MZT2A: variants seen among roughly 807,000 people sequenced by gnomAD.
MZT2A encodes the protein mitotic-spindle organizing protein 2A.
A neutral mutation model predicts 12.4 loss-of-function variants in MZT2A; 8 were observed. The ratio of observed to expected loss-of-function variants is 0.64; its 90% CI spans 0.38 to 1.16. The LOEUF is 1.16. Ranked by LOEUF, MZT2A falls within the 50% of genes most tolerant of loss-of-function variation. The pLI, the probability that MZT2A is intolerant of heterozygous loss-of-function variation, is 0.01. For synonymous variants in MZT2A, 88 were observed against 107.5 expected, an observed-to-expected ratio of 0.82 and a Z score of 1.12; for missense variants, 181 against 223.6, an observed-to-expected ratio of 0.81 and a Z score of 1.22.
At chr2:131,493,138 C>T (rs1055754898), upstream of MZT2A, 6 of 1,465,948 alleles carry the variant, frequency 4.1e-6, no homozygotes, top group Non-Finnish European at 5.4e-6. Flanking sequence ...ATGGGTCCCA[C>T]AGGTGAGTGG....
intron 2 of MZT2A, among the ~76,000 whole-genome samples, chr2:131,484,459 G>A (rs1032300630): frequency 1.3e-5 from 2 of 152,212 alleles, no homozygotes; most frequent in African/African-American, 4.8e-5. Context: ...GCGAAGCCAC[G>A]CAAGGAGCAC....
chr2:131,491,991 G>A lies in MZT2A; in HGVS notation c.204C>T (p.Ala68=), dbSNP rs1401423702. 9 of 1,549,910 alleles carry A rather than the reference G, an allele frequency of 5.8e-6. No individual in the cohort carries two copies. The Admixed American group carries it at 9.7e-5, about 17-fold the overall frequency. The stretch of plus-strand genomic sequence containing the variant: ...TGAGCATCTGGAAGACGGCGAGGGG[G>A]GCCACGTTCAGCTTCAGCAGGTCCA... The part of the protein sequence containing the change: ...ILVDLLKLNV[A]PLAVFQMLKS... Residue 68 remains alanine, a synonymous_variant, in exon 2 of 3, where the codon GCC becomes GCT. Coordinates refer to ENST00000309451, the MANE Select transcript of MZT2A (RefSeq NM_001085365.2).
chr2:131,480,794 A>G (rs1473290166), downstream of MZT2A: 1 of 1,583,474 alleles, frequency 6.3e-7, no homozygotes, highest in South Asian at 1.2e-5. Context: ...CAGCAGATGC[A>G]CAAAATAACA....
chr2:131,478,970 G>C (rs146296468), downstream of MZT2A, among the ~76,000 whole-genome samples: 7,469 of 152,300 alleles, frequency 0.049, 625 homozygotes, highest in African/African-American at 0.17. Context: ...TGCCCAGGTT[G>C]TAAGAGTTTC....
rs115213445 is a variant in MZT2A at position 131,477,959 on chromosome 2, C to T, written c.279-5777G>A. On this transcript the variant is annotated intron_variant and NMD_transcript_variant, in intron 2 of 4. Coordinates refer to the MZT2A transcript ENST00000427024. ...TGGCAAACAGGTTCTAGGGCTACCT[C>T]TAGAACTTACTAGCTAGTATGGTTT... is the stretch of plus-strand genomic sequence containing the variant. Among the ~76,000 whole-genome samples the T allele has an allele frequency of 1.5e-3, 234 of 152,274 alleles. 1 individual carries two copies. The highest frequency in any genetic ancestry group is 5.4e-3 in the African/African-American group (225 of 41,548).
intron 2 of MZT2A, among the ~76,000 whole-genome samples, chr2:131,487,264 G>C (rs1679086948): frequency 6.6e-6 from 1 of 152,150 alleles, no homozygotes; most frequent in African/African-American, 2.4e-5. Context: ...AGGATCCTTT[G>C]AGGCCAGGAG....
chr2:131,484,178 G>A lies in MZT2A; in HGVS notation c.360C>T (p.Ala120=). The A allele has an allele frequency of 1.2e-6, 2 of 1,614,074 alleles. No individual in the cohort carries two copies. Among genetic ancestry groups the A allele is most frequent in the African/African-American group, 1.3e-5 (1 of 75,032 alleles). The stretch of plus-strand genomic sequence containing the variant: ...CCTCGTGGTTGCTGCGTTCCGCCAG[G>A]GCCAATACTCCCCCGAGGGCAGCGC... ...KGSAALGGVL[A]LAERSNHEGS... Residue 120 remains alanine, a synonymous_variant, in exon 3 of 3, where the codon GCC becomes GCT. Coordinates refer to ENST00000309451, the MANE Select transcript of MZT2A (RefSeq NM_001085365.2).
At chr2:131,482,023 C>T (rs997228837), downstream of MZT2A, among the ~76,000 whole-genome samples, 1 of 152,244 alleles carries the variant, frequency 6.6e-6, no homozygotes, top group Admixed American at 6.5e-5. Flanking sequence ...CTTAGGCAGG[C>T]ACATGGACCA....
downstream of MZT2A, chr2:131,482,520 T>A (rs1229201797): frequency 6.3e-7 from 1 of 1,581,934 alleles, no homozygotes; most frequent in Non-Finnish European, 8.6e-7. Flanking sequence ...GATATAAGCT[T>A]CATGGACTGC....
chr2:131,476,472 C>T (rs1678670701), intron 2 of MZT2A, among the ~76,000 whole-genome samples: 1 of 152,186 alleles, frequency 6.6e-6, no homozygotes, highest in African/African-American at 2.4e-5. Context: ...ATAGTGGCGT[C>T]GCCTCCTGAA....
downstream of MZT2A, among the ~76,000 whole-genome samples, chr2:131,478,988 C>T (rs1322373098): frequency 2.0e-5 from 3 of 152,230 alleles, no homozygotes; most frequent in Non-Finnish European, 4.4e-5. Flanking sequence ...TTCTAACTTA[C>T]AGCCTTTGAT....
At chr2:131,479,969 A>G (rs996174787), downstream of MZT2A, 14 of 1,437,742 alleles carry the variant, frequency 9.7e-6, no homozygotes, top group South Asian at 2.8e-5. Flanking sequence ...ATTTGAATCC[A>G]TATCAACTCT....
chr2:131,476,133 C>A (rs1487677826), intron 2 of MZT2A: 2 of 1,611,886 alleles, frequency 1.2e-6, no homozygotes, highest in African/African-American at 2.7e-5. Flanking sequence ...TGCAGTTGGG[C>A]GCTCAGCAGC....
chr2:131,476,134 G>A (rs1573855116), intron 2 of MZT2A: 3 of 1,612,486 alleles, frequency 1.9e-6, no homozygotes, highest in Non-Finnish European at 2.5e-6. Context: ...GCAGTTGGGC[G>A]CTCAGCAGCT....
intron 2 of MZT2A, among the ~76,000 whole-genome samples, chr2:131,486,901 G>A (rs1014172641): frequency 4.6e-5 from 7 of 152,160 alleles, no homozygotes; most frequent in Non-Finnish European, 5.9e-5. Flanking sequence ...CAGGAATTGC[G>A]TGCTCTCGGG....
chr2:131,473,735 A>G (rs1273211519), intron 2 of MZT2A, among the ~76,000 whole-genome samples: 1 of 145,420 alleles, frequency 6.9e-6, no homozygotes, highest in East Asian at 1.9e-4. Context: ...ACCAGTGTCA[A>G]AAAATAAATA....
At chr2:131,490,612 T>C in intron 2 of MZT2A, 1 of 1,547,962 alleles carries the variant, frequency 6.5e-7, no homozygotes, top group Middle Eastern at 1.7e-4. Flanking sequence ...TGCATGATCC[T>C]GCCCTTGCAG....
intron 2 of MZT2A, chr2:131,489,951 G>A: frequency 1.0e-6 from 1 of 977,824 alleles, no homozygotes; most frequent in Non-Finnish European, 1.2e-6. Flanking sequence ...ATCTCCTGGA[G>A]TGACAAGAAC....
chr2:131,490,862 C>T, intron 2 of MZT2A: 1 of 1,550,022 alleles, frequency 6.5e-7, no homozygotes, highest in Non-Finnish European at 8.7e-7. Flanking sequence ...TGCAGGGGGG[C>T]TACTGTTCCT....
Sources: allele counts gnomAD v4.1 joint callset (sites outside exome capture counted in the v4.1 genomes callset), GRCh38; gene constraint gnomAD v4.1.1; transcripts MANE v1.5; gene names NCBI Gene and HGNC (gene_info 2026-07-23, HGNC 2026-07-21).